The following NELL1 variants were observed in gnomAD, a reference collection of about 807,000 sequenced individuals.
The protein encoded by NELL1 is protein kinase C-binding protein NELL1.
A neutral mutation model predicts 107.4 loss-of-function variants in NELL1; 76 were observed. That is an observed-to-expected ratio of 0.71 (90% CI 0.59 to 0.86). The LOEUF (loss-of-function observed/expected upper bound fraction) is 0.86. Among genes scored for constraint, NELL1 ranks in the 40% least tolerant of loss-of-function variants. The pLI is 0.00. For missense variants in NELL1, 1,024 were observed against 1,005.5 expected (o/e 1.02, Z -0.25); for synonymous variants, 353 against 341.2 (o/e 1.03, Z -0.38).
intron 13 of NELL1, among the ~76,000 whole-genome samples, chr11:21,190,913 T>A (rs1857036167): frequency 6.6e-6 from 1 of 151,714 alleles, no homozygotes; most frequent in South Asian, 2.1e-4. Flanking sequence ...GTCATAGAGT[T>A]CTGAGATGGT....
intron 4 of NELL1, among the ~76,000 whole-genome samples, chr11:20,876,545 T>A (rs1440741214): frequency 1.3e-5 from 2 of 152,074 alleles, no homozygotes; most frequent in Admixed American, 6.5e-5. Flanking sequence ...GCGGTGGATC[T>A]CGAGGTCAGG....
At chr11:21,086,648 T>C (rs1220233369) in intron 12 of NELL1, among the ~76,000 whole-genome samples, 1 of 152,148 alleles carries the variant, frequency 6.6e-6, no homozygotes, top group East Asian at 1.9e-4. Context: ...AGCTTTCATT[T>C]CCTTTCATAA....
intron 13 of NELL1, among the ~76,000 whole-genome samples, chr11:21,183,727 A>G (rs931088214): frequency 1.3e-5 from 2 of 151,822 alleles, no homozygotes; most frequent in African/African-American, 4.9e-5. Context: ...GATAATGAAT[A>G]TAACTAGTGG....
chr11:21,141,732 A>G (rs1394464760), intron 13 of NELL1, among the ~76,000 whole-genome samples: 2 of 148,154 alleles, frequency 1.3e-5, no homozygotes, highest in African/African-American at 5.0e-5. Flanking sequence ...CTCCTCCTCT[A>G]TCCTTTTTAT....
intron 14 of NELL1, among the ~76,000 whole-genome samples, chr11:21,256,118 G>A (rs977724829): frequency 4.0e-5 from 6 of 151,738 alleles, no homozygotes; most frequent in Non-Finnish European, 7.4e-5. Context: ...ATACCATCTG[G>A]TCCATAAAGA....
intron 12 of NELL1, 23 bp from the exon 13 acceptor site, chr11:21,113,565 TC>T: frequency 6.2e-7 from 1 of 1,604,800 alleles, no homozygotes; most frequent in Non-Finnish European, 8.5e-7. Context: ...CTAACCATGA[TC>T]TTACTTATTT....
At chr11:21,174,215 T>C (rs1251919628) in intron 13 of NELL1, among the ~76,000 whole-genome samples, 1 of 151,810 alleles carries the variant, frequency 6.6e-6, no homozygotes, top group Non-Finnish European at 1.5e-5. Context: ...TGCTATTAGA[T>C]AACTAATATA....
intron 2 of NELL1, among the ~76,000 whole-genome samples, chr11:20,705,296 G>C (rs1354451020): frequency 2.0e-5 from 3 of 152,092 alleles, no homozygotes; most frequent in Non-Finnish European, 4.4e-5. Flanking sequence ...AAAACAGCAT[G>C]GTACTGGTAC....
intron 15 of NELL1, among the ~76,000 whole-genome samples, chr11:21,457,652 A>T (rs941772597): frequency 2.0e-5 from 3 of 152,148 alleles, no homozygotes; most frequent in Non-Finnish European, 4.4e-5. Context: ...GACATTTTAC[A>T]TAATTTGCTA....
intron 14 of NELL1, among the ~76,000 whole-genome samples, chr11:21,275,668 C>T (rs1016472846): frequency 5.9e-5 from 9 of 152,142 alleles, no homozygotes; most frequent in African/African-American, 2.2e-4. Flanking sequence ...ACTGGCAAAC[C>T]AAATCCAGCA....
chr11:21,024,477 G>C (rs958776407), intron 12 of NELL1, among the ~76,000 whole-genome samples: 1 of 152,100 alleles, frequency 6.6e-6, no homozygotes, highest in African/African-American at 2.4e-5. Flanking sequence ...CCACTTTGAA[G>C]TGTTAGTTAA....
chr11:21,157,876 G>A (rs568016870), intron 13 of NELL1, among the ~76,000 whole-genome samples: 1 of 152,228 alleles, frequency 6.6e-6, no homozygotes, highest in East Asian at 1.9e-4. Flanking sequence ...TTGTATAATG[G>A]TTAATATTAA....
At chr11:21,419,748 C>A in intron 15 of NELL1, among the ~76,000 whole-genome samples, 1 of 152,110 alleles carries the variant, frequency 6.6e-6, no homozygotes, top group Admixed American at 6.6e-5. Context: ...AGTAAAAGTA[C>A]ACATAGAAGA....
At chr11:21,129,416 C>T (rs959407544) in intron 13 of NELL1, among the ~76,000 whole-genome samples, 7 of 151,990 alleles carry the variant, frequency 4.6e-5, no homozygotes, top group Non-Finnish European at 1.5e-5. Context: ...TGGGTATATA[C>T]CCAAAAGAAT....
At chr11:21,098,678 G>A (rs530509124) in intron 12 of NELL1, among the ~76,000 whole-genome samples, 57 of 152,300 alleles carry the variant, frequency 3.7e-4, no homozygotes, top group African/African-American at 1.3e-3. Context: ...GGTCACAGGT[G>A]TGTGAGGAAG....
chr11:21,277,859 C>T (rs536895224), intron 14 of NELL1, among the ~76,000 whole-genome samples: 4 of 151,954 alleles, frequency 2.6e-5, no homozygotes, highest in East Asian at 1.9e-4. Context: ...TGAGAACACA[C>T]GGACACAGGA....
At chr11:20,949,114 A>G (rs1564981523) in intron 11 of NELL1, among the ~76,000 whole-genome samples, 2 of 152,222 alleles carry the variant, frequency 1.3e-5, no homozygotes, top group African/African-American at 4.8e-5. Flanking sequence ...AATGGGTGTG[A>G]CCATGTTCCA....
chr11:21,387,769 A>C (rs1413231806), intron 15 of NELL1, among the ~76,000 whole-genome samples: 1 of 151,788 alleles, frequency 6.6e-6, no homozygotes, highest in African/African-American at 2.4e-5. Flanking sequence ...CATCTACACC[A>C]CATCGATATT....
chr11:20,921,633 TAAAA>T (rs1850378114), intron 7 of NELL1, among the ~76,000 whole-genome samples: 1 of 151,868 alleles, frequency 6.6e-6, no homozygotes, highest in Admixed American at 6.6e-5. Flanking sequence ...AAAGAGCAAA[TAAAA>T]AAGAAAGGAA....
Sources: gnomAD v4.1 joint callset for allele counts (sites outside exome capture counted in the v4.1 genomes callset) on GRCh38, gnomAD v4.1.1 for gene constraint, MANE v1.5 for transcripts, NCBI Gene and HGNC (gene_info 2026-07-23, HGNC 2026-07-21) for gene names.